Variants in WDR26 observed in about 807,000 individuals in gnomAD.
WDR26 encodes the protein WD repeat domain 26.
A neutral mutation model predicts 84.1 loss-of-function variants in WDR26; 5 were observed. That is an observed-to-expected ratio of 0.06 (90% CI 0.03 to 0.13). The LOEUF (loss-of-function observed/expected upper bound fraction) is 0.13. Among genes scored for constraint, WDR26 ranks in the 10% least tolerant of loss-of-function variants. WDR26 has a pLI of 1.00. For synonymous variants in WDR26, 415 were observed against 389.6 expected, an observed-to-expected ratio of 1.07 and a Z score of -0.77; for missense variants, 642 against 974.9, an observed-to-expected ratio of 0.66 and a Z score of 4.55.
At chr1:224,396,684 C>T (rs189368923) in intron 12 of WDR26, among the ~76,000 whole-genome samples, 15 of 152,280 alleles carry the variant, frequency 9.9e-5, no homozygotes, top group South Asian at 2.1e-4. Context: ...TCAGGCTGGG[C>T]GCGGTGGCTC....
At chr1:224,406,979 G>A (rs542090136) in intron 7 of WDR26, among the ~76,000 whole-genome samples, 3 of 150,020 alleles carry the variant, frequency 2.0e-5, no homozygotes, top group Non-Finnish European at 3.0e-5. Flanking sequence ...AAAATTAGCC[G>A]GGTGTGGTGG....
intron 8 of WDR26, 122 bp downstream of exon 8, chr1:224,404,308 G>A: frequency 8.6e-7 from 1 of 1,164,478 alleles, no homozygotes; most frequent in East Asian, 2.9e-5. Flanking sequence ...GAATAACTAA[G>A]AGATACAGTA....
In WDR26 at chr1:224,391,363, CAA is replaced by C. The variant is rs869213487; in HGVS notation, c.2261-1505_2261-1504del. ...GGGCAACAAGAGCAAAACTCTGTCTCAAAAAAAAAAAAAAAAAAAACAAAAAA... is the reference window on the plus strand; with the variant it reads ...GGGCAACAAGAGCAAAACTCTGTCTCAAAAAAAAAAAAAAAAAACAAAAAA... On this transcript the variant is annotated intron_variant, in intron 13 of 13. Coordinates refer to ENST00000414423, the MANE Select transcript of WDR26 (RefSeq NM_001379403.1). Among the ~76,000 whole-genome samples, 369 of 89,106 alleles carry C rather than the reference CAA, an allele frequency of 4.1e-3. 1 individual carries two copies. Among genetic ancestry groups the C allele is most frequent in the African/African-American group, 0.015 (324 of 22,126 alleles). The allele number at this position is 89,106 out of a possible 152,430, so 58.5% of individuals were successfully genotyped here.
chr1:224,429,892 A>G (rs1674337515), intron 3 of WDR26: 1 of 152,264 alleles, frequency 6.6e-6, no homozygotes, highest in Admixed American at 6.5e-5. Context: ...ATAGGAAGTA[A>G]GCCTATTAAA....
At position 224,432,072 on chromosome 1, in the gene WDR26, C is replaced by T. The variant is rs563173040; in HGVS notation, c.723-291G>A. 4.2e-4 allele frequency among the ~76,000 whole-genome samples: 64 copies of T among 152,268 alleles called. 1 individual carries two copies. The highest frequency in any genetic ancestry group is 7.4e-5 in the Non-Finnish European group (5 of 68,010). On this transcript the variant is annotated intron_variant, in intron 1 of 13. Transcript: ENST00000414423. ...AAAGTATAAAATTTCTAAAAATGTGCTGTAACCAACTAGTCAAATAAATGA... is the reference window on the plus strand; with the variant it reads ...AAAGTATAAAATTTCTAAAAATGTGTTGTAACCAACTAGTCAAATAAATGA...
At chr1:224,404,646 C>A in intron 7 of WDR26, 76 bp from the exon 8 acceptor site, 1 of 1,504,554 alleles carries the variant, frequency 6.6e-7, no homozygotes. Context: ...ACTTAAATAG[C>A]TACAAAGATG....
chr1:224,402,176 G>A (rs1228903221), intron 8 of WDR26: 1 of 152,106 alleles, frequency 6.6e-6, no homozygotes, highest in Non-Finnish European at 1.5e-5. Flanking sequence ...TTAGGAAATG[G>A]GGCCAAGTAC....
intron 7 of WDR26, among the ~76,000 whole-genome samples, chr1:224,408,589 CTT>C (rs1673645285): frequency 6.7e-6 from 1 of 149,360 alleles, no homozygotes; most frequent in Non-Finnish European, 1.5e-5. Flanking sequence ...ATCCCAAACT[CTT>C]TTTCTAGTCT....
intron 5 of WDR26, among the ~76,000 whole-genome samples, chr1:224,418,732 T>C (rs1208253264): frequency 6.6e-6 from 1 of 152,184 alleles, no homozygotes; most frequent in African/African-American, 2.4e-5. Flanking sequence ...GAATATTAGA[T>C]ATTATTGTGT....
rs1033134384 is a variant in WDR26 at position 224,386,636 on chromosome 1, G to A, written c.*3199C>T. The A allele has an allele frequency of 6.6e-6, 1 of 152,346 alleles. No individual in the cohort carries two copies. The highest frequency in any genetic ancestry group is 2.4e-5 in the African/African-American group (1 of 41,410). 9.4% of individuals were successfully genotyped at this position (152,346 alleles called of 1,614,324 possible). A position where few individuals can be genotyped will look rare whatever the true frequency, so the allele number is the denominator to read the frequency against. On this transcript the variant is annotated 3_prime_UTR_variant, in exon 14 of 14. Transcript: ENST00000414423. Reference sequence around the variant, plus strand: ...CAGATTACTACTGCTGTTTTTTTCAGACTAAGAAAATACTGACAAAATTGG... The same window carrying A: ...CAGATTACTACTGCTGTTTTTTTCAAACTAAGAAAATACTGACAAAATTGG...
chr1:224,399,131 C>T, intron 9 of WDR26, 97 bp from the exon 10 acceptor site: 2 of 1,208,760 alleles, frequency 1.7e-6, no homozygotes, highest in Non-Finnish European at 1.1e-6. Context: ...CTTTTAGTAA[C>T]AGGTTTTTTT....
intron 3 of WDR26, 113 bp downstream of exon 3, chr1:224,431,364 T>A: frequency 1.2e-6 from 1 of 861,782 alleles, no homozygotes; most frequent in Non-Finnish European, 1.8e-6. Context: ...ACAAATTATA[T>A]GAAATTTAAC....
rs560946384 is a variant in WDR26 at position 224,404,078 on chromosome 1, T to G, written c.1599+352A>C. ...TGCAACTGCCATCAGAATCGAAAATTTGGTTTAATGCTGACCTTTAACATT... is the reference window on the plus strand; with the variant it reads ...TGCAACTGCCATCAGAATCGAAAATGTGGTTTAATGCTGACCTTTAACATT... On this transcript the variant is annotated intron_variant, in intron 8 of 13. Transcript: ENST00000414423. Among the ~76,000 whole-genome samples the G allele has an allele frequency of 2.6e-5, 4 of 152,300 alleles. No homozygotes were observed. In the South Asian group the frequency reaches 8.3e-4, roughly 32 times the overall value.
At chr1:224,419,950 A>G (rs1365288780) in intron 4 of WDR26, among the ~76,000 whole-genome samples, 10 of 152,124 alleles carry the variant, frequency 6.6e-5, no homozygotes, top group Admixed American at 6.6e-4. Flanking sequence ...TTATTATTCT[A>G]TTTTTATAAA....
At chr1:224,396,250 A>G (rs1673256456) in intron 12 of WDR26, among the ~76,000 whole-genome samples, 1 of 152,212 alleles carries the variant, frequency 6.6e-6, no homozygotes, top group Non-Finnish European at 1.5e-5. Context: ...TGGGCTTAAA[A>G]AAAAGTTTGG....
In WDR26 at chr1:224,389,723, A is replaced by AT. The variant is rs1673072587; in HGVS notation, c.*111dup. On this transcript the variant is annotated 3_prime_UTR_variant, in exon 14 of 14. Transcript: ENST00000414423. ...GGGCTTCAGAAATGGTTCTTTTTTC[A>AT]TGACGAGCATGTCTGTCCAGCTATC... 2 of 1,141,840 alleles carry AT rather than the reference A, an allele frequency of 1.8e-6. No homozygotes were observed. Among genetic ancestry groups the AT allele is most frequent in the Admixed American group, 3.8e-5 (2 of 52,054 alleles). The allele number at this position is 1,141,840 out of a possible 1,614,324, so 70.7% of individuals were successfully genotyped here.
In WDR26 at chr1:224,393,723, T is replaced by C. The variant is rs116516619; in HGVS notation, c.2260+105A>G. 2,403 of 959,686 alleles carry C rather than the reference T, an allele frequency of 2.5e-3. 36 individuals are homozygous for C. The African/African-American group carries it at 0.034, about 14-fold the overall frequency. The allele number at this position is 959,686 out of a possible 1,614,324, so 59.4% of individuals were successfully genotyped here. On this transcript the variant is annotated intron_variant, in intron 13 of 13. Transcript: ENST00000414423. ...TACAATATGTAAAAGAGAGAAATCATATACCACACTTTAAATAAACTTGCT... is the reference window on the plus strand; with the variant it reads ...TACAATATGTAAAAGAGAGAAATCACATACCACACTTTAAATAAACTTGCT...
intron 7 of WDR26, among the ~76,000 whole-genome samples, chr1:224,405,178 T>A (rs12731035): frequency 0.18 from 27,972 of 152,220 alleles, 2,819 homozygotes; most frequent in Middle Eastern, 0.23. Context: ...AATAGGCTTA[T>A]ACATGATGTG....
In WDR26 at chr1:224,434,220, G is replaced by A. The variant is rs1276839072; in HGVS notation, c.186C>T (p.Ser62=). Residue 62 remains serine (S), a synonymous_variant, in exon 1 of 14, where the codon TCC becomes TCT. Transcript: ENST00000414423. Reference sequence around the variant, plus strand: ...CTACCACCACGGAGGAGGAGGAGGAGGAGGAGGACGAGGACGACGAGGACG... The same window carrying A: ...CTACCACCACGGAGGAGGAGGAGGAAGAGGAGGACGAGGACGACGAGGACG... The A allele has an allele frequency of 2.9e-6, 4 of 1,396,896 alleles. No individual in the cohort carries two copies. Among genetic ancestry groups the A allele is most frequent in the Non-Finnish European group, 3.7e-6 (4 of 1,080,000 alleles). 86.5% of individuals were successfully genotyped at this position (1,396,896 alleles called of 1,614,324 possible).
Sources: gnomAD v4.1 joint callset for allele counts (sites outside exome capture counted in the v4.1 genomes callset) on GRCh38, gnomAD v4.1.1 for gene constraint, MANE v1.5 for transcripts, NCBI Gene and HGNC (gene_info 2026-07-23, HGNC 2026-07-21) for gene names.